Variants in IKZF1 observed in about 807,000 individuals in gnomAD.
IKZF1 encodes DNA-binding protein Ikaros.
In IKZF1, 10 loss-of-function variants were observed where a neutral mutation model predicts 51.7. That is an observed-to-expected ratio of 0.19 (90% CI 0.12 to 0.33). The LOEUF is 0.33. IKZF1 is among the 10% of genes least tolerant of loss of function. The probability of loss-of-function intolerance (pLI) is 1.00; values close to 1 mark genes in which losing one functional copy is unlikely to be tolerated. For missense variants in IKZF1, 484 were observed against 707.5 expected (o/e 0.68, Z 3.58); for synonymous variants, 280 against 282.3 (o/e 0.99, Z 0.08).
chr7:50,355,659 A>G (rs1483544035), intron 3 of IKZF1, among the ~76,000 whole-genome samples: 1 of 151,776 alleles, frequency 6.6e-6, no homozygotes, highest in African/African-American at 2.4e-5. Flanking sequence ...ATAAATGGAA[A>G]GAAACAGTCC....
chr7:50,369,163 C>T (rs147648527), intron 3 of IKZF1: 6 of 248,516 alleles, frequency 2.4e-5, no homozygotes, highest in African/African-American at 1.1e-4. Context: ...TTTGTTTACA[C>T]GTGAGCTTAT....
chr7:50,352,706 T>A (rs940855652), intron 3 of IKZF1, among the ~76,000 whole-genome samples: 1 of 152,236 alleles, frequency 6.6e-6, no homozygotes, highest in Non-Finnish European at 1.5e-5. Context: ...TTCAGTTTTT[T>A]CATTTTAAGT....
chr7:50,393,512 C>T (rs1184278711), intron 7 of IKZF1, among the ~76,000 whole-genome samples: 2 of 151,922 alleles, frequency 1.3e-5, no homozygotes, highest in African/African-American at 4.8e-5. Context: ...TCCATTTTGA[C>T]CTTTTGATTA....
chr7:50,347,326 T>C (rs1160570367), intron 3 of IKZF1, among the ~76,000 whole-genome samples: 1 of 152,216 alleles, frequency 6.6e-6, no homozygotes, highest in Non-Finnish European at 1.5e-5. Flanking sequence ...GGCTGCCTCC[T>C]GGTCTGATCT....
chr7:50,403,028 AG>A lies in IKZF1; in HGVS notation c.*2402del, dbSNP rs968445813. 2.2e-5 allele frequency: 5 copies of A among 226,192 alleles called. No homozygotes were observed. The highest frequency in any genetic ancestry group is 8.8e-6 in the Non-Finnish European group (1 of 113,686). 14.0% of individuals were successfully genotyped at this position (226,192 alleles called of 1,614,324 possible). A position where few individuals can be genotyped will look rare whatever the true frequency, so the allele number is the denominator to read the frequency against. ...TTGGTTGAAGGGAGTTATTTTTTCA[AG>A]TGGAATTCAAACAAAGCTCAAACCA... On this transcript the variant is annotated 3_prime_UTR_variant, in exon 8 of 8. Coordinates refer to ENST00000331340, the MANE Select transcript of IKZF1 (RefSeq NM_006060.6).
intron 1 of IKZF1, among the ~76,000 whole-genome samples, chr7:50,314,264 C>G (rs1400410016): frequency 6.6e-6 from 1 of 152,204 alleles, no homozygotes; most frequent in African/African-American, 2.4e-5. Flanking sequence ...GCGCCCGCCA[C>G]CACACCTGGC....
intron 3 of IKZF1, among the ~76,000 whole-genome samples, chr7:50,353,917 A>T (rs941975012): frequency 6.6e-6 from 1 of 152,168 alleles, no homozygotes; most frequent in Admixed American, 6.5e-5. Flanking sequence ...CAGACCCTTC[A>T]TGCCACACTG....
At chr7:50,354,570 C>T (rs529292765) in intron 3 of IKZF1, among the ~76,000 whole-genome samples, 28 of 152,268 alleles carry the variant, frequency 1.8e-4, no homozygotes, top group Admixed American at 3.3e-4. Context: ...TTGTACTGTA[C>T]GTTTTTGTTT....
intron 2 of IKZF1, among the ~76,000 whole-genome samples, chr7:50,321,645 C>A (rs901523838): frequency 4.6e-5 from 7 of 152,152 alleles, no homozygotes; most frequent in Non-Finnish European, 8.8e-5. Context: ...CAGGAGTCTA[C>A]ACTCTGATAT....
chr7:50,382,675 A>G lies in IKZF1; in HGVS notation c.557A>G (p.Asp186Gly), dbSNP rs2153477995. Reference protein sequence around the residue: ...HLCNYACRRRDALTGHLRTHS... With the variant: ...HLCNYACRRRGALTGHLRTHS... ...TGCAACTACGCCTGCCGCCGGAGGG[A>G]CGCCCTCACTGGCCACCTGAGGACG... Residue 186 changes from aspartate (D) to glycine (G), a missense_variant, in exon 5 of 8, where the codon GAC becomes GGC. Around this residue, in one of 6 missense-constraint regions of IKZF1, gnomAD observed 53 missense variants for 167.7 expected, o/e 0.32. Coordinates refer to ENST00000331340, the MANE Select transcript of IKZF1 (RefSeq NM_006060.6). 6.2e-7 allele frequency: 1 copy of G among 1,611,002 alleles called. No homozygotes were observed. Among genetic ancestry groups the G allele is most frequent in the Non-Finnish European group, 8.5e-7 (1 of 1,179,784 alleles).
At chr7:50,319,007 T>C in intron 1 of IKZF1, 41 bp from the exon 2 acceptor site, 1 of 1,243,158 alleles carries the variant, frequency 8.0e-7, no homozygotes, top group Non-Finnish European at 1.2e-6. Flanking sequence ...ATCTTATTAG[T>C]ATTTTTGCTT....
intron 2 of IKZF1, among the ~76,000 whole-genome samples, chr7:50,323,288 G>A (rs1793920452): frequency 6.6e-6 from 1 of 152,070 alleles, no homozygotes; most frequent in Non-Finnish European, 1.5e-5. Context: ...ATTGCTCTGG[G>A]GTGTGATCCC....
intron 6 of IKZF1, among the ~76,000 whole-genome samples, chr7:50,390,823 ATCAATAATAGAGATGGATACCCT>A (rs546654493): frequency 2.7e-3 from 410 of 152,358 alleles, no homozygotes; most frequent in Admixed American, 4.6e-3. Context: ...AGACAAACAA[ATCAATAATAGAGATGGATACCCT>A]ACTGAAGACC....
chr7:50,351,349 A>G (rs1489725086), intron 3 of IKZF1, among the ~76,000 whole-genome samples: 2 of 152,216 alleles, frequency 1.3e-5, no homozygotes, highest in Non-Finnish European at 2.9e-5. Context: ...CTTAAGGTTA[A>G]AACATATTTC....
chr7:50,325,377 G>T (rs563436358), intron 2 of IKZF1, among the ~76,000 whole-genome samples: 1 of 149,938 alleles, frequency 6.7e-6, no homozygotes, highest in Admixed American at 6.7e-5. Flanking sequence ...AATAAGAGTT[G>T]TGAGGTGGTT....
intron 2 of IKZF1, among the ~76,000 whole-genome samples, chr7:50,321,082 A>G (rs921767577): frequency 6.6e-6 from 1 of 152,220 alleles, no homozygotes; most frequent in Non-Finnish European, 1.5e-5. Context: ...CATATTTTCT[A>G]TATGCTTGCC....
chr7:50,357,296 C>T (rs1325985813), intron 3 of IKZF1, among the ~76,000 whole-genome samples: 1 of 152,080 alleles, frequency 6.6e-6, no homozygotes, highest in African/African-American at 2.4e-5. Flanking sequence ...CCAGGCCCTG[C>T]ATCCTGGGCA....
At chr7:50,358,642 G>A (rs1303551848) in intron 3 of IKZF1, among the ~76,000 whole-genome samples, 1 of 152,236 alleles carries the variant, frequency 6.6e-6, no homozygotes, top group Non-Finnish European at 1.5e-5. Context: ...TTGGAGGCAG[G>A]GTGCTGCAGC....
At chr7:50,339,215 T>TTGTGTGTGTG (rs1158908841) in intron 3 of IKZF1, among the ~76,000 whole-genome samples, 4,071 of 126,392 alleles carry the variant, frequency 0.032, 95 homozygotes, top group Admixed American at 0.052. Flanking sequence ...TTGGGTAGGG[T>TTGTGTGTGTG]TGTGTGTGTG....
Sources: gnomAD v4.1 joint callset for allele counts (sites outside exome capture counted in the v4.1 genomes callset) on GRCh38, gnomAD v4.1.1 for gene constraint, gnomAD v4.1.1 regional missense constraint, MANE v1.5 for transcripts, NCBI Gene and HGNC (gene_info 2026-07-23, HGNC 2026-07-21) for gene names.